Variants in SV2C observed in about 807,000 individuals in gnomAD.
SV2C encodes solute carrier family 22 member B3.
A neutral mutation model predicts 79.7 loss-of-function variants in SV2C; 49 were observed. That is an observed-to-expected ratio of 0.61 (90% CI 0.49 to 0.78). SV2C has a LOEUF of 0.78. Among genes scored for constraint, SV2C ranks in the 30% least tolerant of loss-of-function variants. The pLI is 0.00. For synonymous variants in SV2C, 334 were observed against 333.2 expected (o/e 1.00, Z -0.03); for missense variants, 833 against 912.9 (o/e 0.91, Z 1.13).
chr5:76,271,616 C>CTTTGTT (rs1746862117), intron 4 of SV2C, among the ~76,000 whole-genome samples: 1 of 96,060 alleles, frequency 1.0e-5, no homozygotes. Context: ...AGCATGTGTT[C>CTTTGTT]TTTTTTTTTT....
At position 76,108,614 on chromosome 5, in the gene SV2C, C is replaced by T. The variant is rs1254432210; in HGVS notation, c.-101-23036C>T. Among the ~76,000 whole-genome samples, 9 of 152,196 alleles carry T rather than the reference C, an allele frequency of 5.9e-5. No homozygotes were observed. In the East Asian group the frequency reaches 1.5e-3, roughly 26 times the overall value. On this transcript the variant is annotated intron_variant, in intron 1 of 12. Coordinates refer to ENST00000502798, the MANE Select transcript of SV2C (RefSeq NM_014979.4). ...TTCTCTTATGCAAAAAATAAATACC[C>T]GTATTCCATCGAGGCCAAAAATTTT...
chr5:76,027,578 A>G, the SV2C span, among the ~76,000 whole-genome samples: 4 of 152,324 alleles, frequency 2.6e-5, no homozygotes, highest in South Asian at 8.3e-4. Context: ...TTGTTTTAGC[A>G]TTGATATAAT....
At chr5:76,099,145 G>A (rs1180975890) in intron 1 of SV2C, among the ~76,000 whole-genome samples, 2 of 152,066 alleles carry the variant, frequency 1.3e-5, no homozygotes, top group African/African-American at 4.8e-5. Flanking sequence ...CAGATATGAT[G>A]GAAAATAACA....
chr5:76,161,674 A>T (rs1742902019), intron 2 of SV2C, among the ~76,000 whole-genome samples: 1 of 152,134 alleles, frequency 6.6e-6, no homozygotes, highest in Non-Finnish European at 1.5e-5. Flanking sequence ...CAGTTTTCCA[A>T]AATGGATTGT....
the SV2C span, among the ~76,000 whole-genome samples, chr5:76,048,646 A>G: frequency 1.3e-5 from 2 of 151,996 alleles, no homozygotes; most frequent in Non-Finnish European, 2.9e-5. Flanking sequence ...TTGCAAGTAA[A>G]GGACATTTTG....
chr5:76,171,672 C>T (rs1341610461), intron 2 of SV2C, among the ~76,000 whole-genome samples: 5 of 135,684 alleles, frequency 3.7e-5, no homozygotes, highest in Non-Finnish European at 8.1e-5. Flanking sequence ...GGGGGTCAGC[C>T]CCCCCGCCCG....
At chr5:76,064,406 A>G in the SV2C span, among the ~76,000 whole-genome samples, 1 of 152,194 alleles carries the variant, frequency 6.6e-6, no homozygotes, top group Admixed American at 6.5e-5. Context: ...CAAAAGCAAC[A>G]CAAGAAAAAA....
rs931711124 is a variant in SV2C, at chr5:76,330,891, C to G, written c.*5344C>G. On this transcript the variant is annotated 3_prime_UTR_variant, in exon 13 of 13. Transcript: ENST00000502798. ...GGGGGGCGGGGGACGGAGTCTCGCT[C>G]TATTACTTAGGCCGGAGTGCAGTGG... 6.7e-6 allele frequency: 1 copy of G among 149,758 alleles called. No homozygotes were observed. The highest frequency in any genetic ancestry group is 2.5e-5 in the African/African-American group (1 of 40,470). The allele number at this position is 149,758 out of a possible 1,614,324, so 9.3% of individuals were successfully genotyped here.
chr5:75,861,436 C>T, the SV2C span, among the ~76,000 whole-genome samples: 1 of 152,132 alleles, frequency 6.6e-6, no homozygotes, highest in East Asian at 1.9e-4. Flanking sequence ...GAACTTAAAA[C>T]AGAACTACCA....
At chr5:75,951,497 A>G in the SV2C span, among the ~76,000 whole-genome samples, 1 of 152,006 alleles carries the variant, frequency 6.6e-6, no homozygotes, top group African/African-American at 2.4e-5. Context: ...AAACTTTCTC[A>G]AGGTTGGAGA....
At chr5:76,234,177 A>G (rs1185241151) in intron 4 of SV2C, among the ~76,000 whole-genome samples, 1 of 152,200 alleles carries the variant, frequency 6.6e-6, no homozygotes, top group Non-Finnish European at 1.5e-5. Context: ...TTAAATGTGA[A>G]GGAACTAGTA....
the SV2C span, among the ~76,000 whole-genome samples, chr5:75,862,229 T>G: frequency 6.6e-6 from 1 of 152,224 alleles, no homozygotes; most frequent in Non-Finnish European, 1.5e-5. Context: ...TGCTCTCCTT[T>G]CTCTGCCCCA....
At chr5:76,277,595 G>GGT (rs1347530235) in intron 4 of SV2C, among the ~76,000 whole-genome samples, 2 of 152,094 alleles carry the variant, frequency 1.3e-5, no homozygotes, top group Non-Finnish European at 2.9e-5. Context: ...ATAATATGGT[G>GGT]AAACTCCGTC....
the SV2C span, among the ~76,000 whole-genome samples, chr5:75,888,067 T>C: frequency 2.9e-3 from 442 of 152,274 alleles, 5 homozygotes; most frequent in African/African-American, 9.9e-3. Flanking sequence ...CAATTTGTAT[T>C]CTATCATTAT....
chr5:75,866,905 G>T, the SV2C span, among the ~76,000 whole-genome samples: 23 of 152,188 alleles, frequency 1.5e-4, no homozygotes, highest in Admixed American at 7.9e-4. Flanking sequence ...CCCTCTTAGG[G>T]TGTAGTGGAG....
chr5:76,350,852 A>G (rs952065047), intron 12 of SV2C, among the ~76,000 whole-genome samples: 2 of 152,126 alleles, frequency 1.3e-5, no homozygotes, highest in Non-Finnish European at 2.9e-5. Context: ...TGTCTCTACT[A>G]AAAATACAAA....
the SV2C span, among the ~76,000 whole-genome samples, chr5:75,861,121 A>T: frequency 6.6e-6 from 1 of 152,200 alleles, no homozygotes; most frequent in East Asian, 1.9e-4. Context: ...AACATAAACA[A>T]ATTAACAAGC....
downstream of SV2C, among the ~76,000 whole-genome samples, chr5:76,338,841 G>A (rs1278889161): frequency 6.6e-6 from 1 of 151,762 alleles, no homozygotes; most frequent in African/African-American, 2.4e-5. Context: ...TATTTTTGTT[G>A]AGATGGGGTT....
At chr5:76,296,965 AACTG>A (rs139143319) in intron 9 of SV2C, among the ~76,000 whole-genome samples, 2,965 of 152,262 alleles carry the variant, frequency 0.019, 79 homozygotes, top group East Asian at 0.089. Flanking sequence ...CCAGGGTGAA[AACTG>A]ACTTTCAAAA....
Sources: gnomAD v4.1 joint callset for allele counts (sites outside exome capture counted in the v4.1 genomes callset) on GRCh38, gnomAD v4.1.1 for gene constraint, MANE v1.5 for transcripts, NCBI Gene and HGNC (gene_info 2026-07-23, HGNC 2026-07-21) for gene names.